The following MYH14 variants were observed in gnomAD, a reference collection of about 807,000 sequenced individuals.
The protein encoded by MYH14 is myosin-14.
Under a neutral mutation model 255.5 loss-of-function variants are expected in MYH14, and 123 were observed. The ratio of observed to expected loss-of-function variants is 0.48; its 90% CI spans 0.42 to 0.56. The LOEUF (loss-of-function observed/expected upper bound fraction) is 0.56. Among genes scored for constraint, MYH14 ranks in the 20% least tolerant of loss-of-function variants. The probability of loss-of-function intolerance (pLI) is 0.00; values close to 1 mark genes in which losing one functional copy is unlikely to be tolerated. For synonymous variants in MYH14, 1,095 were observed against 1,161.2 expected (o/e 0.94, Z 1.16); for missense variants, 2,423 against 2,802.3 (o/e 0.86, Z 3.06).
At position 50,252,367 on chromosome 19, in the gene MYH14, C is replaced by A. The variant is rs1041119954; in HGVS notation, c.1831-272C>A. ...AAGCTCGCATGTTTGAGGAACAGTG[C>A]GGAGGCCAGGGTGGCTGGAGCGGAA... On this transcript the variant is annotated intron_variant, in intron 15 of 42. Coordinates refer to ENST00000642316, the MANE Select transcript of MYH14 (RefSeq NM_001145809.2). This position sits in a 1 kb window ranked among gnomAD's most constrained non-coding sequence, Gnocchi z 4.2. Among the ~76,000 whole-genome samples, 1 of 151,870 alleles carries A rather than the reference C, an allele frequency of 6.6e-6. No homozygotes were observed. Among genetic ancestry groups the A allele is most frequent in the Non-Finnish European group, 1.5e-5 (1 of 67,996 alleles).
intron 20 of MYH14, among the ~76,000 whole-genome samples, 195 bp downstream of exon 20, chr19:50,260,910 T>G (rs2034824561): frequency 6.6e-6 from 1 of 151,548 alleles, no homozygotes; most frequent in Non-Finnish European, 1.5e-5. Flanking sequence ...CATGCGTTTG[T>G]GTGCAGGGGC....
intron 26 of MYH14, among the ~76,000 whole-genome samples, chr19:50,272,185 T>G (rs2035328848): frequency 6.6e-6 from 1 of 152,182 alleles, no homozygotes; most frequent in East Asian, 1.9e-4. Flanking sequence ...GTTGTCCTCC[T>G]TTCTTCCCAT....
At chr19:50,234,141 T>C (rs1342020776) in intron 10 of MYH14, among the ~76,000 whole-genome samples, 1 of 152,002 alleles carries the variant, frequency 6.6e-6, no homozygotes, top group Non-Finnish European at 1.5e-5. Flanking sequence ...ACTGGTATGA[T>C]TTTATCTTAA....
chr19:50,223,502 C>A, intron 5 of MYH14, 153 bp downstream of exon 5: 1 of 664,418 alleles, frequency 1.5e-6, no homozygotes, highest in Non-Finnish European at 2.7e-6. Context: ...TGGGGTGGGG[C>A]TGGAAGCAGA....
chr19:50,297,863 C>A (rs2036332684), intron 39 of MYH14, among the ~76,000 whole-genome samples: 1 of 151,992 alleles, frequency 6.6e-6, no homozygotes, highest in South Asian at 2.1e-4. Context: ...TCCAGTGTGA[C>A]CTCGCGTTAA....
At chr19:50,208,152 T>C (rs1213031442) in intron 1 of MYH14, among the ~76,000 whole-genome samples, 1 of 152,218 alleles carries the variant, frequency 6.6e-6, no homozygotes, top group Non-Finnish European at 1.5e-5. Context: ...TGGTGGCTCG[T>C]GCCTGTAATC....
chr19:50,286,775 T>G, intron 34 of MYH14, 81 bp downstream of exon 34: 1 of 1,325,054 alleles, frequency 7.5e-7, no homozygotes. Context: ...ACATAGAACA[T>G]GAAAAACAAC....
chr19:50,308,330 C>G (rs548814203), intron 41 of MYH14: 3 of 152,346 alleles, frequency 2.0e-5, no homozygotes, highest in South Asian at 4.1e-4. Flanking sequence ...TTAACTTCTT[C>G]CCTCACTTTG....
At chr19:50,267,061 C>T in intron 23 of MYH14, 53 bp downstream of exon 23, 1 of 1,481,678 alleles carries the variant, frequency 6.7e-7, no homozygotes. Context: ...GGGGCTGTGT[C>T]GCATGGGTGG....
At chr19:50,240,987 T>C (rs765224359) in intron 10 of MYH14, among the ~76,000 whole-genome samples, 10 of 152,106 alleles carry the variant, frequency 6.6e-5, no homozygotes, top group Non-Finnish European at 8.8e-5. Context: ...GAAGGGTACC[T>C]GAAGTCATTT....
rs1315218677 is a variant in MYH14, at chr19:50,221,132, G to C, written c.563-1951G>C. Among the ~76,000 whole-genome samples the C allele has an allele frequency of 1.3e-5, 2 of 152,140 alleles. No individual in the cohort carries two copies. Among genetic ancestry groups the C allele is most frequent in the African/African-American group, 4.8e-5 (2 of 41,432 alleles). Reference sequence around the variant, plus strand: ...CAGGGCCCCTGACCACCGCCTCCCTGTATGTCACACTGTGTGTTATATTTC... The same window carrying C: ...CAGGGCCCCTGACCACCGCCTCCCTCTATGTCACACTGTGTGTTATATTTC... On this transcript the variant is annotated intron_variant, in intron 3 of 42. Coordinates refer to ENST00000642316, the MANE Select transcript of MYH14 (RefSeq NM_001145809.2). The surrounding 1 kb of genome is among the most constrained non-coding windows in gnomAD (Gnocchi z 5.3).
intron 29 of MYH14, among the ~76,000 whole-genome samples, chr19:50,277,642 G>A (rs536323773): frequency 1.1e-4 from 16 of 152,066 alleles, no homozygotes; most frequent in Middle Eastern, 3.4e-3. Flanking sequence ...TGGGCCAGAC[G>A]TGGTGGCTCA....
chr19:50,229,927 G>A (rs1403243694), intron 8 of MYH14, among the ~76,000 whole-genome samples: 1 of 152,038 alleles, frequency 6.6e-6, no homozygotes, highest in Non-Finnish European at 1.5e-5. Context: ...TCTTTGTTTT[G>A]TTTTTGTGAC....
intron 8 of MYH14, among the ~76,000 whole-genome samples, chr19:50,229,609 C>T (rs995348817): frequency 3.9e-5 from 6 of 152,098 alleles, no homozygotes; most frequent in African/African-American, 9.7e-5. Context: ...TGCTGTGCTC[C>T]AGCTGAGGCA....
intron 21 of MYH14, among the ~76,000 whole-genome samples, chr19:50,262,210 G>A (rs1294600710): frequency 6.6e-6 from 1 of 152,140 alleles, no homozygotes; most frequent in Non-Finnish European, 1.5e-5. Flanking sequence ...GCAAGATCCT[G>A]GCACGCTTCA....
At chr19:50,204,637 G>T (rs1176651638) in intron 1 of MYH14, among the ~76,000 whole-genome samples, 1 of 152,234 alleles carries the variant, frequency 6.6e-6, no homozygotes, top group Non-Finnish European at 1.5e-5. Flanking sequence ...GCTCAGGCCT[G>T]TAATCCCAGC....
intron 9 of MYH14, 58 bp from the exon 10 acceptor site, chr19:50,231,872 G>C (rs1185139598): frequency 6.2e-7 from 1 of 1,605,284 alleles, no homozygotes; most frequent in Non-Finnish European, 8.5e-7. Flanking sequence ...GATGAATCCA[G>C]GATGAGTCTG....
chr19:50,272,635 A>T lies in MYH14; in HGVS notation c.3371A>T (p.Glu1124Val). 1 of 1,571,376 alleles carries T rather than the reference A, an allele frequency of 6.4e-7. No homozygotes were observed. Among genetic ancestry groups the T allele is most frequent in the South Asian group, 1.2e-5 (1 of 85,458 alleles). The stretch of plus-strand genomic sequence containing the variant: ...CGGAGGCTGGATGGGGAGAGCTCAG[A>T]GCTGCAGGAGCAGATGGTGGAGCAG... ...LKRRLDGESSELQEQMVEQQQ... is the reference protein window; with the variant it reads ...LKRRLDGESSVLQEQMVEQQQ... Residue 1124 changes from glutamate to valine, a missense_variant, in exon 27 of 43, where the codon GAG becomes GTG. Physicochemically the swap from Glu to Val is moderately radical, Grantham distance 121. Transcript: ENST00000642316.
At chr19:50,208,786 A>G (rs752785729) in intron 1 of MYH14, among the ~76,000 whole-genome samples, 36 of 152,182 alleles carry the variant, frequency 2.4e-4, no homozygotes, top group Admixed American at 1.4e-3. Context: ...TCAGCAAACT[A>G]TCTTTTTGTT....
Sources: gnomAD v4.1 joint callset for allele counts (sites outside exome capture counted in the v4.1 genomes callset) on GRCh38, gnomAD v4.1.1 for gene constraint, Gnocchi (gnomAD v3.1) non-coding constraint, MANE v1.5 for transcripts, NCBI Gene and HGNC (gene_info 2026-07-23, HGNC 2026-07-21) for gene names.